Variants in CYLD observed in about 807,000 individuals in gnomAD.
CYLD encodes the protein CYLD lysine 63 deubiquitinase, also known as ubiquitin carboxyl-terminal hydrolase CYLD.
Under a neutral mutation model 104.5 loss-of-function variants are expected in CYLD, and 26 were observed. The ratio of observed to expected loss-of-function variants is 0.25; its 90% CI spans 0.18 to 0.35. The LOEUF (loss-of-function observed/expected upper bound fraction) is 0.35. CYLD is among the 10% of genes least tolerant of loss of function. CYLD has a pLI of 1.00. For synonymous variants in CYLD, 385 were observed against 399.9 expected, an observed-to-expected ratio of 0.96 and a Z score of 0.45; for missense variants, 703 against 1,136.1, an observed-to-expected ratio of 0.62 and a Z score of 5.48.
chr16:50,747,966 T>G (rs994855019), intron 2 of CYLD, among the ~76,000 whole-genome samples: 1 of 152,248 alleles, frequency 6.6e-6, no homozygotes, highest in Non-Finnish European at 1.5e-5. Context: ...GTTACCATTA[T>G]GGAATACTTC....
At chr16:50,791,981 A>T (rs1176587375) in intron 15 of CYLD, among the ~76,000 whole-genome samples, 1 of 152,242 alleles carries the variant, frequency 6.6e-6, no homozygotes, top group Non-Finnish European at 1.5e-5. Flanking sequence ...TACGTTTTTT[A>T]AAATGCCATT....
intron 11 of CYLD, among the ~76,000 whole-genome samples, chr16:50,782,976 A>G (rs1970407714): frequency 7.6e-6 from 1 of 131,876 alleles, no homozygotes; most frequent in Non-Finnish European, 1.5e-5. Flanking sequence ...CCAGGCTGGA[A>G]TGCAGCGGCA....
At chr16:50,776,111 C>A in intron 6 of CYLD, 68 bp from the exon 7 acceptor site, 1 of 1,136,394 alleles carries the variant, frequency 8.8e-7, no homozygotes, top group Non-Finnish European at 1.3e-6. Context: ...TATTTTGTTA[C>A]TGTCATTCCT....
intron 12 of CYLD, chr16:50,785,221 A>G (rs1386572255): frequency 6.6e-6 from 1 of 152,230 alleles, no homozygotes; most frequent in Non-Finnish European, 1.5e-5. Flanking sequence ...AAAGTGATTT[A>G]TTTAAAGTCC....
chr16:50,753,487 C>G (rs1966789499), intron 4 of CYLD, among the ~76,000 whole-genome samples: 1 of 152,204 alleles, frequency 6.6e-6, no homozygotes, highest in African/African-American at 2.4e-5. Context: ...TAGAGATTTG[C>G]CCTGCCAGCT....
At chr16:50,782,752 G>A (rs1286504311) in intron 11 of CYLD, among the ~76,000 whole-genome samples, 1 of 152,094 alleles carries the variant, frequency 6.6e-6, no homozygotes, top group East Asian at 1.9e-4. Flanking sequence ...CTTTGTGCAT[G>A]TCTCAAACAA....
intron 9 of CYLD, 96 bp downstream of exon 9, chr16:50,780,140 T>C: frequency 1.4e-6 from 2 of 1,445,448 alleles, no homozygotes; most frequent in Non-Finnish European, 1.9e-6. Context: ...CTGTTATATT[T>C]GTCAGAAAAG....
At position 50,796,973 on chromosome 16, in the gene CYLD, G is replaced by GT. The variant is rs1972104706; in HGVS notation, c.*467dup. ...TTATTAAGAGTCTACTCTCAATCCAGTTATTAGAGATGTACTGAGTTTGAT... is the reference window on the plus strand; with the variant it reads ...TTATTAAGAGTCTACTCTCAATCCAGTTTATTAGAGATGTACTGAGTTTGAT... On this transcript the variant is annotated 3_prime_UTR_variant, in exon 19 of 19. Coordinates refer to ENST00000427738, the MANE Select transcript of CYLD (RefSeq NM_001378743.1). 1 of 281,698 alleles carries GT rather than the reference G, an allele frequency of 3.5e-6. No homozygotes were observed. The highest frequency in any genetic ancestry group is 4.7e-5 in the Admixed American group (1 of 21,350). The allele number at this position is 281,698 out of a possible 1,614,324, so 17.4% of individuals were successfully genotyped here. A position where few individuals can be genotyped will look rare whatever the true frequency, so the allele number is the denominator to read the frequency against.
At chr16:50,756,895 G>T (rs557862112) in intron 5 of CYLD, among the ~76,000 whole-genome samples, 1 of 152,286 alleles carries the variant, frequency 6.6e-6, no homozygotes, top group African/African-American at 2.4e-5. Context: ...ACACCTGTCT[G>T]ATTAGAAAGC....
chr16:50,772,409 CA>C (rs1969248285), intron 5 of CYLD, among the ~76,000 whole-genome samples: 1 of 152,148 alleles, frequency 6.6e-6, no homozygotes, highest in Non-Finnish European at 1.5e-5. Flanking sequence ...TTGTACTTAG[CA>C]AAAGAAATAG....
intron 7 of CYLD, 80 bp downstream of exon 7, chr16:50,776,357 T>C: frequency 8.8e-6 from 9 of 1,026,674 alleles, no homozygotes; most frequent in Non-Finnish European, 1.4e-5. Context: ...TTATAAGCTA[T>C]TACTTCTGAA....
chr16:50,788,957 A>G (rs1285791944), intron 14 of CYLD, among the ~76,000 whole-genome samples: 1 of 152,230 alleles, frequency 6.6e-6, no homozygotes, highest in Admixed American at 6.5e-5. Flanking sequence ...GGACAATTAA[A>G]TAATTTAAAG....
chr16:50,792,487 C>G (rs1324392634), intron 15 of CYLD, 110 bp from the exon 16 acceptor site: 2 of 730,936 alleles, frequency 2.7e-6, no homozygotes, highest in African/African-American at 1.8e-5. Flanking sequence ...TCATAGGACA[C>G]CAATATTAAG....
chr16:50,754,931 A>G (rs1966861273), intron 5 of CYLD, among the ~76,000 whole-genome samples: 1 of 148,294 alleles, frequency 6.7e-6, no homozygotes, highest in Non-Finnish European at 1.5e-5. Context: ...ATATATACAC[A>G]CATATGTATA....
chr16:50,753,168 C>T (rs943347270), intron 4 of CYLD, among the ~76,000 whole-genome samples: 1 of 152,182 alleles, frequency 6.6e-6, no homozygotes, highest in East Asian at 1.9e-4. Flanking sequence ...ACTAAACAAA[C>T]GTTTACTCTT....
In CYLD at chr16:50,801,791, C is replaced by G; in HGVS notation, c.*5283C>G. On this transcript the variant is annotated 3_prime_UTR_variant, in exon 19 of 19. Coordinates refer to ENST00000427738, the MANE Select transcript of CYLD (RefSeq NM_001378743.1). Reference sequence around the variant, plus strand: ...TTTATGAGAACATTCTTTAAGAAGACCACCACATAGAATACCCCTTCCTAT... The same window carrying G: ...TTTATGAGAACATTCTTTAAGAAGAGCACCACATAGAATACCCCTTCCTAT... The G allele has an allele frequency of 4.3e-6, 1 of 233,304 alleles. No individual in the cohort carries two copies. The allele number at this position is 233,304 out of a possible 1,614,324, so 14.5% of individuals were successfully genotyped here. A position where few individuals can be genotyped will look rare whatever the true frequency, so the allele number is the denominator to read the frequency against.
chr16:50,757,985 T>C (rs1270752780), intron 5 of CYLD, among the ~76,000 whole-genome samples: 1 of 152,186 alleles, frequency 6.6e-6, no homozygotes, highest in Non-Finnish European at 1.5e-5. Context: ...TACCTAGATG[T>C]TGGGGATATA....
At chr16:50,780,151 CT>C in intron 9 of CYLD, 107 bp downstream of exon 9, 1 of 1,336,908 alleles carries the variant, frequency 7.5e-7, no homozygotes, top group Admixed American at 1.7e-5. Context: ...GTCAGAAAAG[CT>C]ATCACTGCAG....
chr16:50,767,877 A>G (rs947875563), intron 5 of CYLD, among the ~76,000 whole-genome samples: 2 of 152,220 alleles, frequency 1.3e-5, no homozygotes, highest in African/African-American at 2.4e-5. Context: ...CAAAGCAAAG[A>G]AAAAAACCAC....
Sources: allele counts gnomAD v4.1 joint callset (sites outside exome capture counted in the v4.1 genomes callset), GRCh38; gene constraint gnomAD v4.1.1; transcripts MANE v1.5; gene names NCBI Gene and HGNC (gene_info 2026-07-23, HGNC 2026-07-21).